The following REPS2 variants were observed in gnomAD, a reference collection of about 807,000 sequenced individuals.
REPS2 encodes RALBP1 associated Eps domain containing 2.
Under a neutral mutation model 53.6 loss-of-function variants are expected in REPS2, and 23 were observed. The observed-to-expected ratio is 0.43, with a 90% CI of 0.31 to 0.61. The LOEUF (loss-of-function observed/expected upper bound fraction) is 0.61. REPS2 is among the 20% of genes least tolerant of loss of function. REPS2 has a pLI of 0.11. For synonymous variants in REPS2, 238 were observed against 218.6 expected (o/e 1.09, Z -0.78); for missense variants, 446 against 534.9 (o/e 0.83, Z 1.64).
intron 14 of REPS2, among the ~76,000 whole-genome samples, chrX:17,118,297 AT>A (rs1447711941): frequency 9.1e-6 from 1 of 109,553 alleles, no homozygotes; most frequent in Non-Finnish European, 1.9e-5. Context: ...GGACATTTAA[AT>A]CCCTGTTATT....
At chrX:17,154,858 G>C (rs890044165), downstream of REPS2, among the ~76,000 whole-genome samples, 9 of 112,075 alleles carry the variant, frequency 8.0e-5, no homozygotes, top group Non-Finnish European at 1.7e-4. Context: ...GCAAGGCCAG[G>C]TTGCTCTGAG....
chrX:16,995,872 A>G (rs868854499), intron 1 of REPS2, among the ~76,000 whole-genome samples: 11 of 111,679 alleles, frequency 9.8e-5, no homozygotes, highest in African/African-American at 2.9e-4. Flanking sequence ...CTTGGGAACA[A>G]TAAGGACCTA....
At chrX:16,999,560 GC>G (rs1168462266) in intron 1 of REPS2, among the ~76,000 whole-genome samples, 1 of 110,041 alleles carries the variant, frequency 9.1e-6, no homozygotes. Flanking sequence ...ACTGGATTTG[GC>G]TTATAGTTTA....
intron 1 of REPS2, among the ~76,000 whole-genome samples, chrX:16,967,684 G>T (rs934931687): frequency 9.1e-6 from 1 of 110,244 alleles, no homozygotes; most frequent in Non-Finnish European, 1.9e-5. Context: ...AAACAGATTG[G>T]ATTTATGTAC....
chrX:17,013,934 C>T (rs923863882), intron 2 of REPS2, among the ~76,000 whole-genome samples: 4 of 111,152 alleles, frequency 3.6e-5, no homozygotes, highest in African/African-American at 6.6e-5. Flanking sequence ...TACCCCATAG[C>T]GCTGTCATTA....
At chrX:16,995,224 G>A (rs1163365168) in intron 1 of REPS2, among the ~76,000 whole-genome samples, 2 of 112,329 alleles carry the variant, frequency 1.8e-5, no homozygotes, top group Non-Finnish European at 3.8e-5. Flanking sequence ...GTCTCTGGCT[G>A]CTAAGGTACA....
chrX:17,181,763 C>G, the REPS2 span, among the ~76,000 whole-genome samples: 3 of 112,228 alleles, frequency 2.7e-5, no homozygotes, highest in African/African-American at 9.7e-5. Context: ...ATCACTCTTT[C>G]TCTTAAACTG....
chrX:17,107,941 G>A (rs888171158), intron 14 of REPS2, among the ~76,000 whole-genome samples: 13 of 110,741 alleles, frequency 1.2e-4, no homozygotes, highest in Non-Finnish European at 2.5e-4. Context: ...TTCTTAAGAC[G>A]GTCTCGCTGT....
the REPS2 span, among the ~76,000 whole-genome samples, chrX:17,190,208 C>T: frequency 8.9e-6 from 1 of 111,952 alleles, no homozygotes; most frequent in African/African-American, 3.3e-5. Flanking sequence ...GTTCATTCTA[C>T]TTACAGAAGA....
intron 1 of REPS2, among the ~76,000 whole-genome samples, chrX:16,956,212 T>TA (rs1214315285): frequency 2.9e-5 from 3 of 103,613 alleles, no homozygotes; most frequent in Non-Finnish European, 6.0e-5. Flanking sequence ...TTTTTTTTTT[T>TA]ACTAACTGCC....
chrX:17,137,600 T>C (rs188714897), intron 16 of REPS2: 1 of 112,026 alleles, frequency 8.9e-6, no homozygotes, highest in African/African-American at 3.2e-5. Flanking sequence ...CTTTTCACTT[T>C]CTATTTTTTA....
chrX:16,972,876 A>G (rs755623106), intron 1 of REPS2, among the ~76,000 whole-genome samples: 1 of 111,763 alleles, frequency 8.9e-6, no homozygotes, highest in South Asian at 3.7e-4. Flanking sequence ...ATAAAGGATC[A>G]AGAATAGGAA....
chrX:17,129,217 G>A (rs943548504), intron 14 of REPS2, among the ~76,000 whole-genome samples: 26 of 112,126 alleles, frequency 2.3e-4, no homozygotes, highest in African/African-American at 8.4e-4. Flanking sequence ...ACTAAGAAAA[G>A]TCTCAAGAAA....
chrX:17,001,101 C>A (rs1015862515), intron 1 of REPS2, among the ~76,000 whole-genome samples: 1 of 112,046 alleles, frequency 8.9e-6, no homozygotes, highest in African/African-American at 3.2e-5. Context: ...AAAAATATTA[C>A]CCCCATCTTT....
intron 4 of REPS2, among the ~76,000 whole-genome samples, chrX:17,029,261 T>G: frequency 8.9e-6 from 1 of 112,117 alleles, no homozygotes; most frequent in Non-Finnish European, 1.9e-5. Context: ...ATTGAAGTTC[T>G]CACTGTTCCA....
chrX:17,022,321 A>T (rs369112189), intron 3 of REPS2, 50 bp downstream of exon 3: 4 of 1,100,286 alleles, frequency 3.6e-6, no homozygotes, highest in Non-Finnish European at 3.7e-6. Flanking sequence ...ATGAAACCGC[A>T]TGTAGCAGGG....
intron 8 of REPS2, among the ~76,000 whole-genome samples, chrX:17,058,729 T>A (rs1461579592): frequency 9.0e-6 from 1 of 111,336 alleles, no homozygotes; most frequent in Non-Finnish European, 1.9e-5. Flanking sequence ...AAATTGCACA[T>A]CATTTCTAGG....
intron 1 of REPS2, among the ~76,000 whole-genome samples, chrX:16,961,732 G>A (rs920867444): frequency 8.9e-6 from 1 of 111,738 alleles, no homozygotes; most frequent in Non-Finnish European, 1.9e-5. Flanking sequence ...AAATATTTGC[G>A]ACCCATATAT....
intron 4 of REPS2, among the ~76,000 whole-genome samples, chrX:17,026,706 G>A (rs2061649859): frequency 9.0e-6 from 1 of 111,352 alleles, no homozygotes; most frequent in Admixed American, 9.6e-5. Flanking sequence ...TCAGCAGCCT[G>A]TGCCAAAGCT....
Sources: allele counts gnomAD v4.1 joint callset (sites outside exome capture counted in the v4.1 genomes callset), GRCh38; gene constraint gnomAD v4.1.1; transcripts MANE v1.5; gene names NCBI Gene and HGNC (gene_info 2026-07-23, HGNC 2026-07-21).